The following PCDH15 variants were observed in gnomAD, a reference collection of about 807,000 sequenced individuals.
PCDH15 encodes protocadherin related 15, also known as protocadherin-15.
Under a neutral mutation model 178.5 loss-of-function variants are expected in PCDH15, and 129 were observed. The observed-to-expected ratio is 0.72, with a 90% CI of 0.63 to 0.84. The LOEUF is 0.84. PCDH15 is among the 40% of genes least tolerant of loss of function. The pLI, the probability that PCDH15 is intolerant of heterozygous loss-of-function variation, is 0.00. For missense variants in PCDH15, 2,230 were observed against 2,099.9 expected (o/e 1.06, Z -1.21); for synonymous variants, 800 against 732.0 (o/e 1.09, Z -1.50).
At chr10:55,619,439 A>G (rs114597712) in intron 2 of PCDH15, among the ~76,000 whole-genome samples, 3,217 of 152,088 alleles carry the variant, frequency 0.021, 123 homozygotes, top group African/African-American at 0.074. Context: ...CTCAAGAGCT[A>G]TTAGAAATCA....
intron 20 of PCDH15, among the ~76,000 whole-genome samples, chr10:54,009,063 T>G (rs2092481371): frequency 6.6e-6 from 1 of 152,162 alleles, no homozygotes; most frequent in Admixed American, 6.6e-5. Context: ...TCCATAATTT[T>G]GTCTTGTCCC....
At chr10:55,483,394 GA>G (rs1199379302) in intron 2 of PCDH15, among the ~76,000 whole-genome samples, 2 of 151,600 alleles carry the variant, frequency 1.3e-5, no homozygotes, top group Non-Finnish European at 2.9e-5. Flanking sequence ...GTTTATTAGA[GA>G]AACACAAATG....
At chr10:55,118,724 C>A (rs938475409) in intron 2 of PCDH15, among the ~76,000 whole-genome samples, 5 of 152,180 alleles carry the variant, frequency 3.3e-5, no homozygotes, top group Non-Finnish European at 7.3e-5. Flanking sequence ...CAGAATTTTA[C>A]ATTATTAATT....
At chr10:53,916,965 T>G (rs2083578437) in intron 25 of PCDH15, among the ~76,000 whole-genome samples, 1 of 152,040 alleles carries the variant, frequency 6.6e-6, no homozygotes. Context: ...AGCATGAAAT[T>G]GAAACAAAAT....
rs550584885 is a variant in PCDH15, at chr10:54,554,825, CTG to C, written c.92-26950_92-26949del. Among the ~76,000 whole-genome samples, 211 of 152,260 alleles carry C rather than the reference CTG, an allele frequency of 1.4e-3. 2 individuals carry two copies. Among genetic ancestry groups the C allele is most frequent in the African/African-American group, 5.0e-3 (206 of 41,542 alleles). On this transcript the variant is annotated intron_variant, in intron 2 of 37. Transcript: ENST00000644397. Reference sequence around the variant, plus strand: ...TGACAAACAGAACTCCAATTCCTAACTGAACATTTTGAAAAAGTCATGGAATA... The same window carrying C: ...TGACAAACAGAACTCCAATTCCTAACAACATTTTGAAAAAGTCATGGAATA...
intron 1 of PCDH15, among the ~76,000 whole-genome samples, chr10:54,675,484 A>C: frequency 8.3e-6 from 1 of 120,958 alleles, no homozygotes; most frequent in Non-Finnish European, 1.7e-5. Context: ...TTTCAATCTG[A>C]TCTAATTTTT....
chr10:54,345,561 C>G (rs927127761), intron 6 of PCDH15, among the ~76,000 whole-genome samples: 16 of 151,838 alleles, frequency 1.1e-4, no homozygotes, highest in African/African-American at 3.9e-4. Context: ...CTTACTTTGT[C>G]TGTTTTTTTG....
At chr10:55,310,867 A>G (rs1360293340) in intron 1 of PCDH15, among the ~76,000 whole-genome samples, 1 of 152,152 alleles carries the variant, frequency 6.6e-6, no homozygotes, top group Non-Finnish European at 1.5e-5. Flanking sequence ...TACACTGAGG[A>G]CTGTCAGGTG....
intron 1 of PCDH15, among the ~76,000 whole-genome samples, chr10:55,235,218 C>CA (rs1258550027): frequency 1.3e-5 from 2 of 152,056 alleles, no homozygotes; most frequent in African/African-American, 4.8e-5. Context: ...CAAACGAGGA[C>CA]ATGAAAGTCA....
At chr10:54,336,643 G>A (rs553840289) in intron 6 of PCDH15, among the ~76,000 whole-genome samples, 1 of 152,334 alleles carries the variant, frequency 6.6e-6, no homozygotes, top group East Asian at 1.9e-4. Flanking sequence ...CTAGATTTCA[G>A]AGGATGTATG....
At chr10:54,259,313 T>A (rs2057147518) in intron 8 of PCDH15, among the ~76,000 whole-genome samples, 1 of 152,142 alleles carries the variant, frequency 6.6e-6, no homozygotes, top group African/African-American at 2.4e-5. Flanking sequence ...GGGGTCACCT[T>A]AGGTCTAGCT....
intron 1 of PCDH15, among the ~76,000 whole-genome samples, chr10:55,199,531 A>G (rs1840183896): frequency 6.6e-6 from 1 of 152,100 alleles, no homozygotes; most frequent in African/African-American, 2.4e-5. Flanking sequence ...GTGGAAGAAA[A>G]AAAAAATTTC....
chr10:55,364,403 T>A (rs576944142), intron 2 of PCDH15, among the ~76,000 whole-genome samples: 2 of 152,204 alleles, frequency 1.3e-5, no homozygotes, highest in South Asian at 4.1e-4. Context: ...TTTAAAAATG[T>A]CTTCTGGTTT....
chr10:54,763,187 A>G (rs1948097281), intron 1 of PCDH15, among the ~76,000 whole-genome samples: 2 of 152,124 alleles, frequency 1.3e-5, no homozygotes, highest in African/African-American at 4.8e-5. Flanking sequence ...GATAAACACA[A>G]AGGGTAATAC....
chr10:55,146,806 T>C (rs185269822), intron 2 of PCDH15, among the ~76,000 whole-genome samples: 1 of 151,808 alleles, frequency 6.6e-6, no homozygotes, highest in African/African-American at 2.4e-5. Context: ...ACTAAAAAAC[T>C]ACAAATAAGC....
At chr10:54,427,990 A>T (rs919004342) in intron 3 of PCDH15, among the ~76,000 whole-genome samples, 1 of 152,174 alleles carries the variant, frequency 6.6e-6, no homozygotes, top group Non-Finnish European at 1.5e-5. Flanking sequence ...AAAAACAACA[A>T]AATTAAAAAC....
At chr10:55,041,581 A>G (rs982640858) in intron 2 of PCDH15, among the ~76,000 whole-genome samples, 30 of 152,220 alleles carry the variant, frequency 2.0e-4, no homozygotes, top group Middle Eastern at 3.4e-3. Context: ...CCTGAATTAT[A>G]AATGTTTAAG....
At chr10:54,757,136 G>A (rs1947245306) in intron 1 of PCDH15, among the ~76,000 whole-genome samples, 1 of 152,166 alleles carries the variant, frequency 6.6e-6, no homozygotes, top group Admixed American at 6.5e-5. Flanking sequence ...ATATTCAGTT[G>A]TAGTTAAGAT....
chr10:53,955,722 G>GT (rs1358307516), intron 23 of PCDH15, among the ~76,000 whole-genome samples: 2 of 152,076 alleles, frequency 1.3e-5, no homozygotes, highest in Non-Finnish European at 2.9e-5. Context: ...AGAAGTAGAA[G>GT]TTTTTTCACT....
Sources: gnomAD v4.1 joint callset for allele counts (sites outside exome capture counted in the v4.1 genomes callset) on GRCh38, gnomAD v4.1.1 for gene constraint, MANE v1.5 for transcripts, NCBI Gene and HGNC (gene_info 2026-07-23, HGNC 2026-07-21) for gene names.